TMEM116: variants seen among roughly 807,000 people sequenced by gnomAD.
TMEM116 encodes the protein transmembrane protein 116.
Under a neutral mutation model 44.3 loss-of-function variants are expected in TMEM116, and 38 were observed. That is an observed-to-expected ratio of 0.86 (90% CI 0.66 to 1.12). The LOEUF (loss-of-function observed/expected upper bound fraction) is 1.12. Ranked by LOEUF, TMEM116 falls within the 50% of genes most tolerant of loss-of-function variation. The probability of loss-of-function intolerance (pLI) is 0.00; values close to 1 mark genes in which losing one functional copy is unlikely to be tolerated. For missense variants in TMEM116, 354 were observed against 401.7 expected (o/e 0.88, Z 1.01); for synonymous variants, 132 against 144.8 (o/e 0.91, Z 0.64).
At chr12:111,939,698 C>T (rs1312827114) in intron 5 of TMEM116, among the ~76,000 whole-genome samples, 2 of 150,120 alleles carry the variant, frequency 1.3e-5, no homozygotes, top group Admixed American at 6.7e-5. Flanking sequence ...CATGGTGGCA[C>T]ACATCTGCGG....
At chr12:112,008,137 C>T (rs1313841818) in intron 1 of TMEM116, among the ~76,000 whole-genome samples, 1 of 152,170 alleles carries the variant, frequency 6.6e-6, no homozygotes, top group African/African-American at 2.4e-5. Flanking sequence ...GCTGTGTTTG[C>T]ATCACTGCAC....
intron 4 of TMEM116, among the ~76,000 whole-genome samples, chr12:111,985,557 T>G (rs2076179222): frequency 6.6e-6 from 1 of 152,190 alleles, no homozygotes; most frequent in African/African-American, 2.4e-5. Context: ...AATGGAAAGA[T>G]ACCCATGTTC....
chr12:111,972,594 T>A (rs2075409481), intron 4 of TMEM116, among the ~76,000 whole-genome samples: 1 of 152,094 alleles, frequency 6.6e-6, no homozygotes, highest in Admixed American at 6.6e-5. Flanking sequence ...ATAAAATAAG[T>A]CTTGCCGGGT....
In TMEM116 at chr12:111,989,203, C is replaced by CT. The variant is rs2076402291; in HGVS notation, c.210+2554dup. On this transcript the variant is annotated intron_variant, in intron 4 of 10. Coordinates refer to ENST00000552374, the MANE Select transcript of TMEM116 (RefSeq NM_001193531.2). ...AAACAGAAGAAGTGAGTTTCCCAAACTTTTTCCTCTCTTTTCTCTTAGTTT... is the reference window on the plus strand; with the variant it reads ...AAACAGAAGAAGTGAGTTTCCCAAACTTTTTTCCTCTCTTTTCTCTTAGTTT... Among the ~76,000 whole-genome samples the CT allele has an allele frequency of 2.0e-5, 3 of 152,158 alleles. No individual in the cohort carries two copies. In the South Asian group the frequency reaches 6.2e-4, roughly 31 times the overall value.
chr12:112,008,611 T>C (rs1016946929), intron 1 of TMEM116, among the ~76,000 whole-genome samples: 1 of 152,134 alleles, frequency 6.6e-6, no homozygotes, highest in Non-Finnish European at 1.5e-5. Flanking sequence ...TTACTCAAAG[T>C]CAGGAAAGAC....
chr12:111,976,058 G>A (rs1303318641), intron 4 of TMEM116, among the ~76,000 whole-genome samples: 1 of 151,962 alleles, frequency 6.6e-6, no homozygotes, highest in Non-Finnish European at 1.5e-5. Context: ...TGGAGTGCTG[G>A]AGTGCAGTGG....
chr12:111,956,225 A>G (rs902287600), intron 4 of TMEM116, among the ~76,000 whole-genome samples: 7 of 152,188 alleles, frequency 4.6e-5, no homozygotes, highest in African/African-American at 2.4e-5. Flanking sequence ...CAGGAACTCA[A>G]TAACTGCAGC....
intron 4 of TMEM116, among the ~76,000 whole-genome samples, chr12:111,987,717 GA>G (rs2076306925): frequency 6.6e-6 from 1 of 152,132 alleles, no homozygotes; most frequent in African/African-American, 2.4e-5. Context: ...CATGAATGTG[GA>G]AACCAGGGCA....
At chr12:111,990,379 A>C (rs1255184380) in intron 4 of TMEM116, among the ~76,000 whole-genome samples, 1 of 152,230 alleles carries the variant, frequency 6.6e-6, no homozygotes, top group Non-Finnish European at 1.5e-5. Flanking sequence ...AAACATTACA[A>C]AGTTAATCAG....
intron 5 of TMEM116, among the ~76,000 whole-genome samples, chr12:111,941,734 A>G (rs1397383006): frequency 6.6e-6 from 1 of 152,124 alleles, no homozygotes; most frequent in Non-Finnish European, 1.5e-5. Context: ...TTTCTCCTTA[A>G]AGCAAGAAAG....
chr12:112,004,576 C>G (rs1488862656), intron 2 of TMEM116, among the ~76,000 whole-genome samples: 1 of 152,148 alleles, frequency 6.6e-6, no homozygotes, highest in Non-Finnish European at 1.5e-5. Context: ...CATGGGCCAC[C>G]ATATCCAGCC....
chr12:111,993,717 G>A (rs373556004), intron 3 of TMEM116: 7 of 640,104 alleles, frequency 1.1e-5, no homozygotes, highest in East Asian at 9.4e-5. Context: ...CATTGTACAA[G>A]TTTGTGGTTC....
intron 4 of TMEM116, among the ~76,000 whole-genome samples, chr12:111,962,416 A>G (rs1305100737): frequency 6.6e-6 from 1 of 152,210 alleles, no homozygotes; most frequent in African/African-American, 2.4e-5. Context: ...TTCAAACTAT[A>G]CTACAAAGCT....
intron 4 of TMEM116, among the ~76,000 whole-genome samples, chr12:111,945,130 G>A (rs2073153649): frequency 6.7e-6 from 1 of 148,348 alleles, no homozygotes; most frequent in Admixed American, 6.8e-5. Flanking sequence ...CCTTGAAAAG[G>A]TCAGGAGTTC....
intron 3 of TMEM116, among the ~76,000 whole-genome samples, 172 bp from the exon 4 acceptor site, chr12:111,992,061 T>A (rs532543726): frequency 6.6e-5 from 10 of 152,302 alleles, no homozygotes; most frequent in African/African-American, 2.4e-4. Context: ...TAGGAAGGAA[T>A]CTATAACCAC....
intron 4 of TMEM116, among the ~76,000 whole-genome samples, chr12:111,981,025 CGTT>C (rs1565934065): frequency 6.7e-6 from 1 of 149,150 alleles, no homozygotes; most frequent in African/African-American, 2.5e-5. Flanking sequence ...AGTGAGCAGT[CGTT>C]GTGCCACTGC....
chr12:111,982,583 G>A (rs1356655135), intron 4 of TMEM116, among the ~76,000 whole-genome samples: 1 of 152,148 alleles, frequency 6.6e-6, no homozygotes, highest in Non-Finnish European at 1.5e-5. Flanking sequence ...TTACAGGTAT[G>A]AGCCACCGTG....
chr12:111,969,471 A>G (rs898730287), intron 4 of TMEM116, among the ~76,000 whole-genome samples: 34 of 151,806 alleles, frequency 2.2e-4, no homozygotes, highest in African/African-American at 8.2e-4. Context: ...CTTGGCTCAC[A>G]ACCATCTCCG....
intron 4 of TMEM116, among the ~76,000 whole-genome samples, chr12:111,962,965 A>G (rs1593414784): frequency 6.6e-6 from 1 of 152,250 alleles, no homozygotes; most frequent in Non-Finnish European, 1.5e-5. Context: ...AAACAAATTT[A>G]TAAGAACAAA....
Sources: gnomAD v4.1 joint callset for allele counts (sites outside exome capture counted in the v4.1 genomes callset) on GRCh38, gnomAD v4.1.1 for gene constraint, MANE v1.5 for transcripts, NCBI Gene and HGNC (gene_info 2026-07-23, HGNC 2026-07-21) for gene names.